The following PCDHA13 variants were observed in gnomAD, a reference collection of about 807,000 sequenced individuals.
The protein encoded by PCDHA13 is protocadherin alpha-13.
Under a neutral mutation model 64.8 loss-of-function variants are expected in PCDHA13, and 54 were observed. The ratio of observed to expected loss-of-function variants is 0.83; its 90% CI spans 0.67 to 1.04. PCDHA13 has a LOEUF of 1.04. Ranked by LOEUF, PCDHA13 falls within the 50% of genes least tolerant of loss-of-function variation. PCDHA13 has a pLI of 0.00. For missense variants in PCDHA13, 1,248 were observed against 1,254.3 expected (o/e 0.99, Z 0.08); for synonymous variants, 587 against 564.4 (o/e 1.04, Z -0.57).
chr5:140,964,952 T>C (rs868971882), intron 1 of PCDHA13, among the ~76,000 whole-genome samples: 1 of 152,190 alleles, frequency 6.6e-6, no homozygotes, highest in South Asian at 2.1e-4. Flanking sequence ...TGAGTGTGCT[T>C]GGTTGGTGGA....
Position 140,883,859 on chromosome 5 carries a change from T to C in PCDHA13, c.1591T>C (p.Leu531=), listed in dbSNP as rs1554180306. The C allele has an allele frequency of 7.4e-6, 12 of 1,613,116 alleles. No homozygotes were observed. Among genetic ancestry groups the C allele is most frequent in the East Asian group, 2.2e-5 (1 of 44,854 alleles). ...QPLDHEELEL[L]QFQVSARDSG... is the part of the protein sequence containing the mutation. Reference sequence around the variant, plus strand: ...GTTGGACCACGAGGAGCTGGAGCTGTTGCAGTTCCAGGTGAGCGCGCGCGA... The same window carrying C: ...GTTGGACCACGAGGAGCTGGAGCTGCTGCAGTTCCAGGTGAGCGCGCGCGA... Residue 531 remains leucine, a synonymous_variant, in exon 1 of 4, where the codon TTG becomes CTG. Coordinates refer to ENST00000289272, the MANE Select transcript of PCDHA13 (RefSeq NM_018904.3).
chr5:140,971,692 C>T (rs2096492766), intron 1 of PCDHA13, among the ~76,000 whole-genome samples: 1 of 152,116 alleles, frequency 6.6e-6, no homozygotes, highest in South Asian at 2.1e-4. Context: ...TTTGTACTCA[C>T]TAACCACCCT....
chr5:141,003,252 TGGGCAGTGCCTAA>T (rs2098117217), intron 3 of PCDHA13, among the ~76,000 whole-genome samples: 1 of 152,236 alleles, frequency 6.6e-6, no homozygotes, highest in South Asian at 2.1e-4. Context: ...AAAAGATTCC[TGGGCAGTGCCTAA>T]GGGAAGTGCC....
chr5:140,915,132 AGAGAC>A (rs1406752818), intron 1 of PCDHA13, among the ~76,000 whole-genome samples: 1 of 151,994 alleles, frequency 6.6e-6, no homozygotes, highest in Non-Finnish European at 1.5e-5. Flanking sequence ...TATTTTTAGT[AGAGAC>A]GGGGTTTCAC....
chr5:140,925,395 GCCT>G (rs2082476248), intron 1 of PCDHA13, among the ~76,000 whole-genome samples: 1 of 151,998 alleles, frequency 6.6e-6, no homozygotes, highest in Non-Finnish European at 1.5e-5. Flanking sequence ...CTTTTGGCTC[GCCT>G]CCTTCTTAGG....
At chr5:140,904,471 C>G (rs2071156688) in intron 1 of PCDHA13, among the ~76,000 whole-genome samples, 1 of 151,730 alleles carries the variant, frequency 6.6e-6, no homozygotes, top group Non-Finnish European at 1.5e-5. Context: ...TGATTGGTGG[C>G]TATTTGGTCT....
At chr5:140,976,080 A>G (rs1487401919) in intron 1 of PCDHA13, among the ~76,000 whole-genome samples, 1 of 152,226 alleles carries the variant, frequency 6.6e-6, no homozygotes, top group African/African-American at 2.4e-5. Flanking sequence ...TGTGTCAGAT[A>G]TATCAGTAGT....
intron 1 of PCDHA13, among the ~76,000 whole-genome samples, chr5:140,945,576 T>G (rs1383348275): frequency 6.6e-6 from 1 of 152,064 alleles, no homozygotes; most frequent in African/African-American, 2.4e-5. Context: ...ACTACCTGGC[T>G]TCAAAATATA....
intron 1 of PCDHA13, among the ~76,000 whole-genome samples, chr5:140,920,226 T>C (rs190564528): frequency 6.6e-6 from 1 of 152,042 alleles, no homozygotes; most frequent in East Asian, 1.9e-4. Context: ...ACATTTATAG[T>C]ATTATATACC....
intron 1 of PCDHA13, among the ~76,000 whole-genome samples, chr5:140,895,618 T>C (rs569188891): frequency 1.1e-4 from 16 of 152,206 alleles, no homozygotes; most frequent in African/African-American, 3.9e-4. Context: ...TCATTGAGGG[T>C]GTTGTCTTTT....
chr5:140,888,355 T>C (rs1192266455), intron 1 of PCDHA13, among the ~76,000 whole-genome samples: 1 of 152,214 alleles, frequency 6.6e-6, no homozygotes, highest in Non-Finnish European at 1.5e-5. Context: ...GAATTGCTAC[T>C]GGCATCTAAT....
intron 1 of PCDHA13, among the ~76,000 whole-genome samples, chr5:140,953,875 C>T (rs1054189459): frequency 4.6e-5 from 7 of 152,088 alleles, no homozygotes; most frequent in Admixed American, 4.6e-4. Context: ...CTGCACAGAT[C>T]AACCCATCAC....
intron 1 of PCDHA13, among the ~76,000 whole-genome samples, chr5:140,900,706 A>G (rs1279378955): frequency 6.6e-6 from 1 of 152,154 alleles, no homozygotes; most frequent in Admixed American, 6.5e-5. Flanking sequence ...GTTCTTTTGG[A>G]AAGAAAGGAA....
At chr5:140,975,475 A>G (rs546732390) in intron 1 of PCDHA13, among the ~76,000 whole-genome samples, 5 of 152,368 alleles carry the variant, frequency 3.3e-5, no homozygotes, top group African/African-American at 1.2e-4. Flanking sequence ...TCTGCCTATC[A>G]GTTTATATCA....
Position 140,917,790 on chromosome 5 carries a change from A to G in PCDHA13, c.2394+33128A>G, listed in dbSNP as rs540599117. The stretch of plus-strand genomic sequence containing the variant: ...GTATTAGTACCATGTTGTTTTGGTT[A>G]CTGTAGCCTTGCAGTATAGTTGAAG... On this transcript the variant is annotated intron_variant, in intron 1 of 3. Coordinates refer to ENST00000289272, the MANE Select transcript of PCDHA13 (RefSeq NM_018904.3). Among the ~76,000 whole-genome samples the G allele has an allele frequency of 4.6e-5, 7 of 152,046 alleles. No homozygotes were observed. In the East Asian group the frequency reaches 1.2e-3, roughly 25 times the overall value.
chr5:140,921,741 A>AT (rs1554200411), intron 1 of PCDHA13, among the ~76,000 whole-genome samples: 1 of 152,202 alleles, frequency 6.6e-6, no homozygotes, highest in Non-Finnish European at 1.5e-5. Context: ...AATTATAAGC[A>AT]TAACAGGACA....
chr5:140,928,736 T>C, intron 1 of PCDHA13: 1 of 1,614,174 alleles, frequency 6.2e-7, no homozygotes, highest in Non-Finnish European at 8.5e-7. Flanking sequence ...TCAGCCAATA[T>C]AGGTGAGCTC....
intron 1 of PCDHA13, among the ~76,000 whole-genome samples, chr5:140,920,150 G>A (rs2079485713): frequency 6.6e-6 from 1 of 152,244 alleles, no homozygotes; most frequent in South Asian, 2.1e-4. Flanking sequence ...CCAAACCTGG[G>A]AGAAAAACTG....
chr5:141,000,371 CT>C (rs2153963893), intron 3 of PCDHA13, among the ~76,000 whole-genome samples: 1 of 49,262 alleles, frequency 2.0e-5, no homozygotes, highest in East Asian at 6.6e-4. Context: ...GTCTCTCTCT[CT>C]CTCTCTCTCT....
Sources: gnomAD v4.1 joint callset for allele counts (sites outside exome capture counted in the v4.1 genomes callset) on GRCh38, gnomAD v4.1.1 for gene constraint, MANE v1.5 for transcripts, NCBI Gene and HGNC (gene_info 2026-07-23, HGNC 2026-07-21) for gene names.